Variants in SYCE3 observed in about 807,000 individuals in gnomAD.
SYCE3 encodes the protein synaptonemal complex central element protein 3.
A neutral mutation model predicts 8.1 loss-of-function variants in SYCE3; 3 were observed. The observed-to-expected ratio is 0.37, with a 90% CI of 0.17 to 0.96. SYCE3 has a LOEUF of 0.96. SYCE3 is among the 40% of genes least tolerant of loss of function. The pLI is 0.41. For missense variants in SYCE3, 83 were observed against 110.0 expected (o/e 0.75, Z 1.10); for synonymous variants, 36 against 38.7 (o/e 0.93, Z 0.26).
chr22:50,560,719 T>C (rs944229673), intron 1 of SYCE3, among the ~76,000 whole-genome samples: 1 of 152,090 alleles, frequency 6.6e-6, no homozygotes, highest in Non-Finnish European at 1.5e-5. Context: ...AAGAGCTACC[T>C]GGACAGAAAA....
At chr22:50,554,785 G>C (rs1469207823) in intron 2 of SYCE3, among the ~76,000 whole-genome samples, 3 of 151,766 alleles carry the variant, frequency 2.0e-5, no homozygotes, top group African/African-American at 7.3e-5. Context: ...ACAAGGTCAG[G>C]AGATCAAGAC....
chr22:50,551,865 C>G (rs925632399), intron 2 of SYCE3, among the ~76,000 whole-genome samples: 7 of 152,180 alleles, frequency 4.6e-5, no homozygotes, highest in African/African-American at 1.7e-4. Context: ...GGATGCCTGC[C>G]CACCTCCACC....
At chr22:50,553,411 C>G (rs2069829049) in intron 2 of SYCE3, among the ~76,000 whole-genome samples, 1 of 152,110 alleles carries the variant, frequency 6.6e-6, no homozygotes, top group African/African-American at 2.4e-5. Context: ...ACAAATTACT[C>G]TTATAATTGT....
At chr22:50,560,075 T>C (rs1479060891) in intron 1 of SYCE3, among the ~76,000 whole-genome samples, 1 of 152,080 alleles carries the variant, frequency 6.6e-6, no homozygotes, top group East Asian at 1.9e-4. Context: ...GAAGGAGAAG[T>C]AGAAACTGGT....
chr22:50,552,705 T>A (rs1308308991), intron 2 of SYCE3, among the ~76,000 whole-genome samples: 5 of 152,226 alleles, frequency 3.3e-5, no homozygotes, highest in African/African-American at 1.2e-4. Flanking sequence ...ACACATGTTA[T>A]GGACTGAATG....
chr22:50,562,552 A>G (rs1379796077), intron 1 of SYCE3, among the ~76,000 whole-genome samples: 6 of 7,550 alleles, frequency 7.9e-4, no homozygotes, highest in Admixed American at 1.5e-3. Context: ...GTGAGGCGGG[A>G]TGAGGGGTGA....
At chr22:50,555,369 G>C (rs131774) in intron 2 of SYCE3, among the ~76,000 whole-genome samples, 76,156 of 151,882 alleles carry the variant, frequency 0.5, 19,224 homozygotes, top group East Asian at 0.63. Flanking sequence ...GGCCAGGCAC[G>C]CTGGCTCATA....
intron 1 of SYCE3, among the ~76,000 whole-genome samples, chr22:50,562,003 G>A (rs925971254): frequency 1.5e-5 from 2 of 131,786 alleles, no homozygotes; most frequent in South Asian, 2.7e-4. Flanking sequence ...AGGATCAGGA[G>A]TGTATGGTGT....
intron 2 of SYCE3, among the ~76,000 whole-genome samples, chr22:50,554,913 G>A (rs897647107): frequency 2.0e-5 from 3 of 151,568 alleles, no homozygotes; most frequent in Non-Finnish European, 4.4e-5. Flanking sequence ...ACGAGGTCAG[G>A]AGATCAAGAC....
chr22:50,557,059 G>A (rs1036412123), intron 1 of SYCE3, among the ~76,000 whole-genome samples: 2 of 152,110 alleles, frequency 1.3e-5, no homozygotes, highest in African/African-American at 4.8e-5. Context: ...TTCTGGAATT[G>A]AGCTGCCTGG....
intron 1 of SYCE3, among the ~76,000 whole-genome samples, chr22:50,557,634 T>C (rs1170438798): frequency 6.6e-6 from 1 of 152,202 alleles, no homozygotes; most frequent in Non-Finnish European, 1.5e-5. Flanking sequence ...CTCCAGATCC[T>C]CTCCTCACCT....
At chr22:50,561,254 T>G (rs1212260847) in intron 1 of SYCE3, among the ~76,000 whole-genome samples, 1 of 151,608 alleles carries the variant, frequency 6.6e-6, no homozygotes, top group Non-Finnish European at 1.5e-5. Context: ...ACAGGTAGAT[T>G]TGGGGATAGA....
intron 2 of SYCE3, among the ~76,000 whole-genome samples, chr22:50,553,043 C>A (rs1038438354): frequency 1.4e-4 from 21 of 151,952 alleles, no homozygotes; most frequent in African/African-American, 3.9e-4. Context: ...ACAGAAAATA[C>A]AAAATTTAGC....
At chr22:50,552,782 T>C (rs1239836783) in intron 2 of SYCE3, among the ~76,000 whole-genome samples, 1 of 152,136 alleles carries the variant, frequency 6.6e-6, no homozygotes, top group Non-Finnish European at 1.5e-5. Flanking sequence ...GGTCGGGTCT[T>C]TTGGAGATGA....
At chr22:50,554,184 G>A (rs1343262846) in intron 2 of SYCE3, among the ~76,000 whole-genome samples, 3 of 144,320 alleles carry the variant, frequency 2.1e-5, no homozygotes, top group South Asian at 2.2e-4. Context: ...AACAGAGCGC[G>A]ACTCTGTCTC....
chr22:50,557,580 A>G (rs1298083511), intron 1 of SYCE3, among the ~76,000 whole-genome samples: 1 of 152,204 alleles, frequency 6.6e-6, no homozygotes, highest in East Asian at 1.9e-4. Flanking sequence ...CACTTAATAA[A>G]TCATATCCGT....
intron 2 of SYCE3, among the ~76,000 whole-genome samples, chr22:50,555,121 T>A (rs2069847029): frequency 6.1e-5 from 1 of 16,262 alleles, no homozygotes; most frequent in Admixed American, 7.5e-4. Context: ...GACTCTGTCT[T>A]AAAATAAATA....
intron 1 of SYCE3, among the ~76,000 whole-genome samples, chr22:50,557,587 CCGT>C (rs1251388467): frequency 1.3e-5 from 2 of 152,114 alleles, no homozygotes; most frequent in African/African-American, 4.8e-5. Context: ...TAAATCATAT[CCGT>C]TGTTATTTAA....
intron 2 of SYCE3, among the ~76,000 whole-genome samples, chr22:50,554,194 C>CAG (rs531615519): frequency 0.027 from 2,922 of 108,610 alleles, 121 homozygotes; most frequent in African/African-American, 0.088. Flanking sequence ...GACTCTGTCT[C>CAG]AAAAAAAAAA....
Sources: allele counts gnomAD v4.1 joint callset (sites outside exome capture counted in the v4.1 genomes callset), GRCh38; gene constraint gnomAD v4.1.1; transcripts MANE v1.5; gene names NCBI Gene and HGNC (gene_info 2026-07-23, HGNC 2026-07-21).